NDST4: variants seen among roughly 807,000 people sequenced by gnomAD.
NDST4 encodes N-deacetylase and N-sulfotransferase 4.
NDST4 carries 63 observed loss-of-function variants against 100.8 expected under a neutral mutation model. The ratio of observed to expected loss-of-function variants is 0.62; its 90% confidence interval spans 0.51 to 0.77. The LOEUF is 0.77. NDST4 is among the 30% of genes least tolerant of loss of function. NDST4 has a pLI of 0.00. For missense variants in NDST4, 943 were observed against 1,018.4 expected (o/e 0.93, Z 1.01); for synonymous variants, 377 against 361.8 (o/e 1.04, Z -0.48).
At chr4:114,951,829 G>T (rs1725995428) in intron 4 of NDST4, among the ~76,000 whole-genome samples, 2 of 152,088 alleles carry the variant, frequency 1.3e-5, no homozygotes, top group Admixed American at 1.3e-4. Flanking sequence ...ACAGGGAGGA[G>T]CCTTTATGTA....
chr4:114,945,208 CAAAAA>C (rs1173970826), intron 4 of NDST4, among the ~76,000 whole-genome samples: 2 of 53,766 alleles, frequency 3.7e-5, no homozygotes, highest in African/African-American at 6.7e-5. Flanking sequence ...AACTCCGTCT[CAAAAA>C]AAAAAAAAAA....
intron 4 of NDST4, among the ~76,000 whole-genome samples, chr4:114,958,233 G>T (rs189918344): frequency 6.6e-6 from 1 of 152,330 alleles, no homozygotes; most frequent in Admixed American, 6.5e-5. Flanking sequence ...CTTGGTGGAG[G>T]TTCCCAAAAC....
chr4:114,934,944 G>T, intron 6 of NDST4: 1 of 181,544 alleles, frequency 5.5e-6, no homozygotes, highest in Non-Finnish European at 1.1e-5. Context: ...GGAAAACATT[G>T]CTACTTCTTT....
At chr4:114,948,174 C>T (rs1013011250) in intron 4 of NDST4, among the ~76,000 whole-genome samples, 1 of 151,952 alleles carries the variant, frequency 6.6e-6, no homozygotes, top group East Asian at 1.9e-4. Flanking sequence ...ATTTCCCTTA[C>T]GAGGCATTTT....
intron 6 of NDST4, 79 bp downstream of exon 6, chr4:114,935,127 A>C: frequency 8.9e-7 from 1 of 1,121,138 alleles, no homozygotes; most frequent in Non-Finnish European, 1.2e-6. Flanking sequence ...AATAAATATG[A>C]TTTAGTTTAA....
In NDST4 at chr4:115,008,194, G is replaced by T. The variant is rs1260744364; in HGVS notation, c.979-30920C>A. On this transcript the variant is annotated intron_variant, in intron 2 of 13. Coordinates refer to ENST00000264363, the MANE Select transcript of NDST4 (RefSeq NM_022569.3). ...CTGTGTCTTTTAATTGGAGCATTTA[G>T]GCCATTTACATTTAAAGTTAATACT... Among the ~76,000 whole-genome samples the T allele has an allele frequency of 2.3e-5, 3 of 129,280 alleles. 1 individual carries two copies. The highest frequency in any genetic ancestry group is 5.0e-5 in the Non-Finnish European group (3 of 60,396). The allele number at this position is 129,280 out of a possible 152,430, so 84.8% of individuals were successfully genotyped here. A position where few individuals can be genotyped will look rare whatever the true frequency, so the allele number is the denominator to read the frequency against.
chr4:114,934,618 A>G (rs561534771), intron 6 of NDST4, among the ~76,000 whole-genome samples: 1 of 151,930 alleles, frequency 6.6e-6, no homozygotes, highest in Non-Finnish European at 1.5e-5. Flanking sequence ...ATAGATCCAG[A>G]GAGTAGGATG....
At chr4:115,009,613 A>T (rs1362899158) in intron 2 of NDST4, among the ~76,000 whole-genome samples, 1 of 125,168 alleles carries the variant, frequency 8.0e-6, no homozygotes, top group Admixed American at 8.2e-5. Flanking sequence ...ACCATTCAGG[A>T]CATAGGCATA....
At chr4:115,052,771 C>T (rs986704014) in intron 2 of NDST4, among the ~76,000 whole-genome samples, 2 of 152,084 alleles carry the variant, frequency 1.3e-5, no homozygotes, top group African/African-American at 4.8e-5. Context: ...CTCACTCCTT[C>T]ATTCATTCAT....
intron 2 of NDST4, among the ~76,000 whole-genome samples, chr4:114,993,593 A>T (rs763100174): frequency 1.3e-5 from 2 of 151,958 alleles, no homozygotes; most frequent in Non-Finnish European, 2.9e-5. Flanking sequence ...TTTGACATAG[A>T]AATACATGTA....
chr4:114,869,759 C>A (rs572279692), intron 7 of NDST4, among the ~76,000 whole-genome samples: 1 of 152,104 alleles, frequency 6.6e-6, no homozygotes, highest in African/African-American at 2.4e-5. Flanking sequence ...AATGAGAAAT[C>A]TCTCCACTGG....
At chr4:114,911,642 T>C (rs1394525711) in intron 6 of NDST4, among the ~76,000 whole-genome samples, 1 of 152,158 alleles carries the variant, frequency 6.6e-6, no homozygotes, top group Non-Finnish European at 1.5e-5. Context: ...ATTTCATTTT[T>C]CTTAAGTACT....
chr4:114,980,951 G>A (rs1726755674), intron 2 of NDST4, among the ~76,000 whole-genome samples: 3 of 151,918 alleles, frequency 2.0e-5, no homozygotes, highest in South Asian at 2.1e-4. Context: ...GGTGGCTCAC[G>A]CCTATATTAC....
intron 6 of NDST4, among the ~76,000 whole-genome samples, chr4:114,897,314 A>T (rs961558351): frequency 5.9e-5 from 9 of 152,164 alleles, no homozygotes; most frequent in African/African-American, 2.2e-4. Flanking sequence ...CCAGAATGTC[A>T]TATAGTTGAA....
chr4:114,865,608 G>T (rs1724011152), intron 7 of NDST4, among the ~76,000 whole-genome samples: 1 of 152,072 alleles, frequency 6.6e-6, no homozygotes, highest in Non-Finnish European at 1.5e-5. Flanking sequence ...ATTATACTTG[G>T]ATTAAATGCT....
At chr4:114,969,347 A>AAC (rs1224235065) in intron 4 of NDST4, among the ~76,000 whole-genome samples, 2 of 140,326 alleles carry the variant, frequency 1.4e-5, no homozygotes, top group African/African-American at 5.4e-5. Flanking sequence ...AAAAAAAAAA[A>AAC]GTTCAGGGCT....
intron 8 of NDST4, among the ~76,000 whole-genome samples, chr4:114,851,841 A>G (rs1006023615): frequency 6.6e-6 from 1 of 152,176 alleles, no homozygotes; most frequent in African/African-American, 2.4e-5. Flanking sequence ...AATATTTAAT[A>G]GTCTGGAAAT....
At chr4:115,110,434 T>A (rs1729922321) in intron 1 of NDST4, among the ~76,000 whole-genome samples, 1 of 151,988 alleles carries the variant, frequency 6.6e-6, no homozygotes, top group Non-Finnish European at 1.5e-5. Context: ...GGTTTCTCTT[T>A]TTCCTAGTTA....
At chr4:114,919,763 T>G (rs1725249961) in intron 6 of NDST4, among the ~76,000 whole-genome samples, 1 of 152,180 alleles carries the variant, frequency 6.6e-6, no homozygotes, top group Non-Finnish European at 1.5e-5. Context: ...CTAGGGATAA[T>G]GGATTCTATG....
Sources: allele counts gnomAD v4.1 joint callset (sites outside exome capture counted in the v4.1 genomes callset), GRCh38; gene constraint gnomAD v4.1.1; transcripts MANE v1.5; gene names NCBI Gene and HGNC (gene_info 2026-07-23, HGNC 2026-07-21).